Variants in GPHN observed in about 807,000 individuals in gnomAD.
The protein encoded by GPHN is gephyrin.
A neutral mutation model predicts 95.5 loss-of-function variants in GPHN; 17 were observed. The ratio of observed to expected loss-of-function variants is 0.18; its 90% CI spans 0.12 to 0.27. The LOEUF (loss-of-function observed/expected upper bound fraction) is 0.27. GPHN is among the 10% of genes least tolerant of loss of function. GPHN has a pLI of 1.00. For missense variants in GPHN, 660 were observed against 978.1 expected, an observed-to-expected ratio of 0.67 and a Z score of 4.34; for synonymous variants, 320 against 322.5, an observed-to-expected ratio of 0.99 and a Z score of 0.08.
At chr14:66,574,085 T>C (rs1276382670) in intron 1 of GPHN, among the ~76,000 whole-genome samples, 1 of 152,204 alleles carries the variant, frequency 6.6e-6, no homozygotes, top group Non-Finnish European at 1.5e-5. Context: ...ATTCTTTGTT[T>C]CTTATATTCT....
chr14:66,790,643 T>A (rs2059938060), intron 3 of GPHN, among the ~76,000 whole-genome samples: 1 of 152,312 alleles, frequency 6.6e-6, no homozygotes, highest in East Asian at 1.9e-4. Context: ...ATGGTTGCCC[T>A]GTGTAACAGA....
the GPHN span, chr14:67,200,077 G>A: frequency 1.0e-6 from 1 of 973,218 alleles, no homozygotes; most frequent in Non-Finnish European, 1.6e-6. Flanking sequence ...ACCACCACCT[G>A]GAATGCCTTA....
chr14:66,996,265 C>T (rs1358615334), intron 9 of GPHN: 14 of 1,168,758 alleles, frequency 1.2e-5, no homozygotes, highest in Non-Finnish European at 1.6e-5. Flanking sequence ...CATGCTCGCC[C>T]TCACCATTTT....
chr14:67,433,645 G>A, the GPHN span, among the ~76,000 whole-genome samples: 1 of 152,038 alleles, frequency 6.6e-6, no homozygotes, highest in Non-Finnish European at 1.5e-5. Flanking sequence ...AATTTTTGTG[G>A]GGGAAAAAGA....
intron 5 of GPHN, among the ~76,000 whole-genome samples, chr14:66,884,638 C>G (rs1397071408): frequency 6.6e-6 from 1 of 151,770 alleles, no homozygotes; most frequent in Non-Finnish European, 1.5e-5. Context: ...AAACAACAGA[C>G]TAACCACTGT....
the GPHN span, among the ~76,000 whole-genome samples, chr14:67,212,639 T>A: frequency 2.1e-5 from 3 of 144,968 alleles, no homozygotes; most frequent in East Asian, 5.9e-4. Flanking sequence ...ATATAATATA[T>A]ATTACATATA....
intron 3 of GPHN, among the ~76,000 whole-genome samples, chr14:66,788,503 C>T (rs1048106017): frequency 2.0e-5 from 3 of 152,090 alleles, no homozygotes; most frequent in Non-Finnish European, 2.9e-5. Flanking sequence ...GAACACATAC[C>T]AGTAACATAT....
At chr14:67,154,229 C>G (rs2081449653) in intron 18 of GPHN, among the ~76,000 whole-genome samples, 1 of 152,134 alleles carries the variant, frequency 6.6e-6, no homozygotes, top group Non-Finnish European at 1.5e-5. Flanking sequence ...CTCTGGAATT[C>G]TCTTCCCTCC....
chr14:67,705,337 T>A, the GPHN span, among the ~76,000 whole-genome samples: 1 of 152,212 alleles, frequency 6.6e-6, no homozygotes, highest in Non-Finnish European at 1.5e-5. Flanking sequence ...CAGAAACAAA[T>A]CAGTGTCCTT....
At chr14:67,676,855 AAAAAT>A in the GPHN span, 1 of 152,260 alleles carries the variant, frequency 6.6e-6, no homozygotes, top group Non-Finnish European at 1.5e-5. Flanking sequence ...AATGAAAACA[AAAAAT>A]AATCAAAAAG....
chr14:66,868,404 G>GT (rs909009240), intron 4 of GPHN, among the ~76,000 whole-genome samples: 1 of 151,888 alleles, frequency 6.6e-6, no homozygotes, highest in African/African-American at 2.4e-5. Flanking sequence ...TTCTTTACGG[G>GT]TTTTTTTAAG....
At chr14:67,405,336 G>A in the GPHN span, among the ~76,000 whole-genome samples, 6 of 150,142 alleles carry the variant, frequency 4.0e-5, no homozygotes, top group African/African-American at 1.5e-4. Context: ...ATGAAAAAAT[G>A]AATTTAAATT....
chr14:66,886,247 T>C (rs1338092811), intron 5 of GPHN, among the ~76,000 whole-genome samples: 3 of 152,206 alleles, frequency 2.0e-5, no homozygotes, highest in African/African-American at 7.2e-5. Flanking sequence ...CTCCACTGTA[T>C]GCAGGAGGAA....
At chr14:66,881,239 G>T (rs892201615) in intron 5 of GPHN, among the ~76,000 whole-genome samples, 2 of 151,820 alleles carry the variant, frequency 1.3e-5, no homozygotes, top group Non-Finnish European at 2.9e-5. Flanking sequence ...AAGAATTAAA[G>T]TACCACGATA....
chr14:67,571,815 A>G, the GPHN span: 1 of 1,613,902 alleles, frequency 6.2e-7, no homozygotes, highest in East Asian at 2.2e-5. Flanking sequence ...CGATGACTGC[A>G]GCTCTCAGGC....
At chr14:67,677,363 A>ATTTTTT in the GPHN span, 113 of 31,970 alleles carry the variant, frequency 3.5e-3, 11 homozygotes, top group African/African-American at 5.4e-3. Context: ...TGTTTTTAGG[A>ATTTTTT]TTTTTTTTTT....
At chr14:67,441,890 A>C in the GPHN span, 1 of 153,542 alleles carries the variant, frequency 6.5e-6, no homozygotes, top group Non-Finnish European at 1.5e-5. Flanking sequence ...CAGCCTTCAG[A>C]TACATATGGG....
chr14:67,656,475 A>T, the GPHN span: 1 of 1,613,594 alleles, frequency 6.2e-7, no homozygotes. Flanking sequence ...ATGATTTCTG[A>T]GCCAATCTGG....
chr14:66,631,007 T>G (rs1355612165), intron 1 of GPHN, among the ~76,000 whole-genome samples: 1 of 152,134 alleles, frequency 6.6e-6, no homozygotes, highest in African/African-American at 2.4e-5. Flanking sequence ...CCATTTTGCC[T>G]GTAGTTTTTC....
Sources: gnomAD v4.1 joint callset for allele counts (sites outside exome capture counted in the v4.1 genomes callset) on GRCh38, gnomAD v4.1.1 for gene constraint, MANE v1.5 for transcripts, NCBI Gene and HGNC (gene_info 2026-07-23, HGNC 2026-07-21) for gene names.